The following CACNA1E variants were observed in gnomAD, a reference collection of about 807,000 sequenced individuals.
CACNA1E encodes calcium voltage-gated channel subunit alpha1 E.
CACNA1E carries 40 observed loss-of-function variants against 259.2 expected under a neutral mutation model. That is an observed-to-expected ratio of 0.15 (90% CI 0.12 to 0.20). The LOEUF (loss-of-function observed/expected upper bound fraction) is 0.20, where lower values mean the gene tolerates loss of function less well. CACNA1E is among the 10% of genes least tolerant of loss of function. CACNA1E has a pLI of 1.00. For synonymous variants in CACNA1E, 1,104 were observed against 1,138.5 expected, an observed-to-expected ratio of 0.97 and a Z score of 0.61; for missense variants, 1,874 against 3,040.1, an observed-to-expected ratio of 0.62 and a Z score of 9.02.
chr1:181,799,484 C>T lies in CACNA1E; in HGVS notation c.*650C>T, dbSNP rs1447410729. 6.5e-6 allele frequency: 1 copy of T among 152,740 alleles called. No individual in the cohort carries two copies. The highest frequency in any genetic ancestry group is 1.5e-5 in the Non-Finnish European group (1 of 68,146). 9.5% of individuals were successfully genotyped at this position (152,740 alleles called of 1,614,324 possible). A position where few individuals can be genotyped will look rare whatever the true frequency, so the allele number is the denominator to read the frequency against. On this transcript the variant is annotated 3_prime_UTR_variant, in exon 48 of 48. Transcript: ENST00000367573. ...TGGTCTGGACAAGAAAAGCCATAGC[C>T]CGGCAGCCCCTACCATGAGGGAGAC...
intron 6 of CACNA1E, among the ~76,000 whole-genome samples, chr1:181,640,610 G>A (rs902814916): frequency 1.3e-5 from 2 of 152,182 alleles, no homozygotes; most frequent in South Asian, 2.1e-4. Flanking sequence ...TCATTGAGGA[G>A]GGAAGAATGG....
intron 16 of CACNA1E, among the ~76,000 whole-genome samples, chr1:181,723,287 A>G (rs1446721704): frequency 6.6e-6 from 1 of 152,074 alleles, no homozygotes; most frequent in Non-Finnish European, 1.5e-5. Flanking sequence ...GCCTCCCAGA[A>G]TGGGGAGATG....
At chr1:181,775,971 C>A in intron 37 of CACNA1E, 130 bp from the exon 38 acceptor site, 1 of 795,220 alleles carries the variant, frequency 1.3e-6, no homozygotes, top group Non-Finnish European at 2.1e-6. Context: ...TGACTATTCC[C>A]TGTCCCTGCA....
intron 2 of CACNA1E, among the ~76,000 whole-genome samples, chr1:181,457,768 C>G (rs1274919562): frequency 6.6e-6 from 1 of 152,218 alleles, no homozygotes. Flanking sequence ...GAACGAATGT[C>G]TGAGGCCAGG....
intron 6 of CACNA1E, among the ~76,000 whole-genome samples, chr1:181,594,868 G>A (rs1359217406): frequency 2.0e-5 from 3 of 152,204 alleles, no homozygotes; most frequent in Admixed American, 6.5e-5. Flanking sequence ...AGAGTGCTTT[G>A]TGCATCAAGA....
At chr1:181,631,664 G>A (rs557858035) in intron 6 of CACNA1E, among the ~76,000 whole-genome samples, 72 of 152,324 alleles carry the variant, frequency 4.7e-4, no homozygotes, top group African/African-American at 1.6e-3. Context: ...GTGCTTGTCA[G>A]TGTGAAGTAA....
At chr1:181,352,132 T>A (rs1197460452) in intron 1 of CACNA1E, among the ~76,000 whole-genome samples, 1 of 152,256 alleles carries the variant, frequency 6.6e-6, no homozygotes, top group East Asian at 1.9e-4. Context: ...TGTGATATTT[T>A]AATTTTTCAT....
At chr1:181,704,312 TGAAGAGG>T (rs1294551715) in intron 7 of CACNA1E, among the ~76,000 whole-genome samples, 5 of 152,162 alleles carry the variant, frequency 3.3e-5, no homozygotes, top group African/African-American at 9.6e-5. Context: ...ATAGAAACAT[TGAAGAGG>T]CTCACCCTAA....
At chr1:181,402,634 T>C (rs1202303779) in intron 1 of CACNA1E, among the ~76,000 whole-genome samples, 1 of 152,160 alleles carries the variant, frequency 6.6e-6, no homozygotes, top group African/African-American at 2.4e-5. Flanking sequence ...CTGCTTCCTC[T>C]ACATGGACCT....
chr1:181,641,027 G>A (rs1038039219), intron 6 of CACNA1E, among the ~76,000 whole-genome samples: 18 of 152,188 alleles, frequency 1.2e-4, no homozygotes, highest in African/African-American at 3.6e-4. Context: ...AGCACTTAAT[G>A]TTCTGTTTTC....
chr1:181,541,211 C>T (rs1266887460), intron 3 of CACNA1E, among the ~76,000 whole-genome samples: 1 of 152,030 alleles, frequency 6.6e-6, no homozygotes, highest in Non-Finnish European at 1.5e-5. Flanking sequence ...CAAAATATTG[C>T]AAGGATGTTC....
rs182623706 is a variant in CACNA1E at position 181,746,609 on chromosome 1, C to T, written c.3720-3867C>T. 1.2e-3 allele frequency among the ~76,000 whole-genome samples: 190 copies of T among 152,294 alleles called. 1 individual carries two copies. Among genetic ancestry groups the T allele is most frequent in the African/African-American group, 4.1e-3 (169 of 41,564 alleles). ...GTCTCTACCTGGTGACAGACAAGAC[C>T]TATGGGTAGATGGAGAAGGTCATCC... On this transcript the variant is annotated intron_variant, in intron 25 of 47. Coordinates refer to ENST00000367573, the MANE Select transcript of CACNA1E (RefSeq NM_001205293.3).
chr1:181,638,348 T>C (rs1657428006), intron 6 of CACNA1E, among the ~76,000 whole-genome samples: 2 of 152,218 alleles, frequency 1.3e-5, no homozygotes, highest in South Asian at 2.1e-4. Flanking sequence ...GAAACTATTT[T>C]CTCTGCTGGC....
At chr1:181,715,494 C>A in intron 9 of CACNA1E, 103 bp downstream of exon 9, 1 of 695,454 alleles carries the variant, frequency 1.4e-6, no homozygotes, top group South Asian at 1.7e-5. Context: ...AGATGGTGTT[C>A]TGGGATTGGA....
At chr1:181,534,120 A>C (rs1308703452) in intron 3 of CACNA1E, among the ~76,000 whole-genome samples, 1 of 152,038 alleles carries the variant, frequency 6.6e-6, no homozygotes, top group Admixed American at 6.5e-5. Flanking sequence ...AGGCTGTCTT[A>C]TTTTGTTCCT....
chr1:181,512,942 T>A (rs1666271370), intron 3 of CACNA1E, among the ~76,000 whole-genome samples: 1 of 152,242 alleles, frequency 6.6e-6, no homozygotes, highest in Non-Finnish European at 1.5e-5. Flanking sequence ...TAATATGTGC[T>A]GTATTAGAAG....
chr1:181,597,746 T>A (rs984529283), intron 6 of CACNA1E, among the ~76,000 whole-genome samples: 1 of 152,170 alleles, frequency 6.6e-6, no homozygotes, highest in African/African-American at 2.4e-5. Context: ...GGCCTCACAA[T>A]CATGGCGGAA....
At chr1:181,430,063 T>C (rs569097887) in intron 2 of CACNA1E, among the ~76,000 whole-genome samples, 2 of 152,306 alleles carry the variant, frequency 1.3e-5, no homozygotes, top group Non-Finnish European at 2.9e-5. Context: ...CTACATACTC[T>C]TTTCTGGGAC....
chr1:181,799,105 G>A lies in CACNA1E; in HGVS notation c.*271G>A, dbSNP rs1009482462. The A allele has an allele frequency of 3.0e-6, 1 of 332,370 alleles. No homozygotes were observed. The highest frequency in any genetic ancestry group is 5.5e-6 in the Non-Finnish European group (1 of 183,078). The allele number at this position is 332,370 out of a possible 1,614,324, so 20.6% of individuals were successfully genotyped here. A position where few individuals can be genotyped will look rare whatever the true frequency, so the allele number is the denominator to read the frequency against. ...AACGTGGAGGGTTATTACTGCGGGA[G>A]AAGGGACACGAGGATGGCTTTGCTT... is the stretch of plus-strand genomic sequence containing the variant. On this transcript the variant is annotated 3_prime_UTR_variant, in exon 48 of 48. Coordinates refer to ENST00000367573, the MANE Select transcript of CACNA1E (RefSeq NM_001205293.3).
Sources: gnomAD v4.1 joint callset for allele counts (sites outside exome capture counted in the v4.1 genomes callset) on GRCh38, gnomAD v4.1.1 for gene constraint, MANE v1.5 for transcripts, NCBI Gene and HGNC (gene_info 2026-07-23, HGNC 2026-07-21) for gene names.